ARHGAP6: variants seen among roughly 807,000 people sequenced by gnomAD.
The protein encoded by ARHGAP6 is Rho GTPase activating protein 6.
A neutral mutation model predicts 55.7 loss-of-function variants in ARHGAP6; 16 were observed. The ratio of observed to expected loss-of-function variants is 0.29; its 90% CI spans 0.19 to 0.44. The LOEUF (loss-of-function observed/expected upper bound fraction) is 0.44. Among genes scored for constraint, ARHGAP6 ranks in the 20% least tolerant of loss-of-function variants. The probability of loss-of-function intolerance (pLI) is 1.00; values close to 1 mark genes in which losing one functional copy is unlikely to be tolerated. For missense variants in ARHGAP6, 698 were observed against 808.9 expected, an observed-to-expected ratio of 0.86 and a Z score of 1.66; for synonymous variants, 382 against 360.9, an observed-to-expected ratio of 1.06 and a Z score of -0.66.
At chrX:11,642,904 G>GT (rs779348079) in intron 1 of ARHGAP6, among the ~76,000 whole-genome samples, 296 of 110,837 alleles carry the variant, frequency 2.7e-3, no homozygotes, top group Non-Finnish European at 4.5e-3. Flanking sequence ...CAATAAAGCT[G>GT]TTTTTTTTAA....
At chrX:11,314,269 A>AACAGCT (rs1266165463) in intron 1 of ARHGAP6, among the ~76,000 whole-genome samples, 5 of 111,697 alleles carry the variant, frequency 4.5e-5, no homozygotes, top group Non-Finnish European at 9.4e-5. Context: ...TGAGCTCCTG[A>AACAGCT]ACAGCTTGTG....
At chrX:11,557,139 GC>G (rs938272724) in intron 1 of ARHGAP6, among the ~76,000 whole-genome samples, 2 of 112,459 alleles carry the variant, frequency 1.8e-5, no homozygotes, top group African/African-American at 6.5e-5. Context: ...CACGTTTGAT[GC>G]TTTGCTCTTT....
intron 1 of ARHGAP6, among the ~76,000 whole-genome samples, chrX:11,633,306 T>C (rs993304745): frequency 8.9e-6 from 1 of 112,519 alleles, no homozygotes; most frequent in Non-Finnish European, 1.9e-5. Flanking sequence ...TGTGTGTCAA[T>C]ACACCCTCCC....
chrX:11,214,868 GTGT>G (rs1187412921), intron 2 of ARHGAP6, among the ~76,000 whole-genome samples: 2 of 113,375 alleles, frequency 1.8e-5, no homozygotes, highest in Admixed American at 1.8e-4. Context: ...GGTCCCTCAG[GTGT>G]TGTGCCCATG....
At chrX:11,544,126 G>A (rs1326815393) in intron 1 of ARHGAP6, among the ~76,000 whole-genome samples, 1 of 111,835 alleles carries the variant, frequency 8.9e-6, no homozygotes, top group Non-Finnish European at 1.9e-5. Flanking sequence ...TAGGCATTTG[G>A]GATAATCATG....
Position 11,411,183 on chromosome X carries a change from TTATATATATATATATATATATA to T in ARHGAP6, c.589-156498_589-156477del, listed in dbSNP as rs201875323. Among the ~76,000 whole-genome samples the T allele has an allele frequency of 1.0e-3, 33 of 31,791 alleles. No individual in the cohort carries two copies. The East Asian group carries it at 0.06, about 58-fold the overall frequency. The allele number at this position is 31,791 out of a possible 115,157, so 27.6% of individuals were successfully genotyped here. A position where few individuals can be genotyped will look rare whatever the true frequency, so the allele number is the denominator to read the frequency against. ...GGCCTGTGTCACTGGCAGACATTATTTATATATATATATATATATATATATATATATATATATATAAAATATA... is the reference window on the plus strand; with the variant it reads ...GGCCTGTGTCACTGGCAGACATTATTTATATATATATATATATAAAATATA... On this transcript the variant is annotated intron_variant, in intron 1 of 12. Coordinates refer to ENST00000337414, the MANE Select transcript of ARHGAP6 (RefSeq NM_013427.3).
At chrX:11,469,045 C>T (rs182997239) in intron 1 of ARHGAP6, among the ~76,000 whole-genome samples, 2 of 112,529 alleles carry the variant, frequency 1.8e-5, no homozygotes, top group Non-Finnish European at 3.8e-5. Flanking sequence ...TTAGTAGACA[C>T]AGAATCTGCC....
intron 1 of ARHGAP6, among the ~76,000 whole-genome samples, chrX:11,515,404 T>C (rs2050828346): frequency 8.9e-6 from 1 of 112,153 alleles, no homozygotes; most frequent in South Asian, 3.7e-4. Context: ...CACAGTGTCA[T>C]GTTAGGGAAC....
intron 1 of ARHGAP6, among the ~76,000 whole-genome samples, chrX:11,485,979 T>C (rs2050507394): frequency 8.9e-6 from 1 of 112,126 alleles, no homozygotes; most frequent in African/African-American, 3.2e-5. Context: ...TTTTATTTGA[T>C]AGCATAAGAA....
intron 1 of ARHGAP6, among the ~76,000 whole-genome samples, chrX:11,455,798 G>T (rs927878909): frequency 1.8e-5 from 2 of 111,908 alleles, no homozygotes; most frequent in Non-Finnish European, 3.8e-5. Context: ...CTTGGTACCT[G>T]GTACCTATGG....
At chrX:11,494,636 C>T (rs370447658) in intron 1 of ARHGAP6, among the ~76,000 whole-genome samples, 1 of 112,148 alleles carries the variant, frequency 8.9e-6, no homozygotes, top group African/African-American at 3.2e-5. Flanking sequence ...GCTAGGTTGA[C>T]TGGAAGTAAG....
At chrX:11,355,729 C>T (rs2048922871) in intron 1 of ARHGAP6, among the ~76,000 whole-genome samples, 1 of 111,118 alleles carries the variant, frequency 9.0e-6, no homozygotes, top group Middle Eastern at 4.2e-3. Flanking sequence ...CGTTAGGGTG[C>T]CACAACTGTA....
At chrX:11,482,797 A>G (rs1253956419) in intron 1 of ARHGAP6, among the ~76,000 whole-genome samples, 1 of 111,589 alleles carries the variant, frequency 9.0e-6, no homozygotes, top group Non-Finnish European at 1.9e-5. Context: ...GTGAAGAACC[A>G]GGAGTGCCCA....
chrX:11,597,023 C>T (rs1049796137), intron 1 of ARHGAP6, among the ~76,000 whole-genome samples: 1 of 111,682 alleles, frequency 9.0e-6, no homozygotes, highest in Non-Finnish European at 1.9e-5. Flanking sequence ...GGACTCCTTC[C>T]CCCACTCAGT....
intron 2 of ARHGAP6, among the ~76,000 whole-genome samples, chrX:11,216,189 C>A (rs1335440184): frequency 2.8e-4 from 28 of 99,636 alleles, no homozygotes; most frequent in Non-Finnish European, 4.4e-4. Context: ...TCCACAACAG[C>A]GTCTTCCTCT....
chrX:11,312,101 T>C (rs1322382870), intron 1 of ARHGAP6, among the ~76,000 whole-genome samples: 1 of 112,380 alleles, frequency 8.9e-6, no homozygotes, highest in Non-Finnish European at 1.9e-5. Flanking sequence ...TGATTTTCTA[T>C]ATCCATATGA....
chrX:11,473,438 C>T (rs1019041416), intron 1 of ARHGAP6, among the ~76,000 whole-genome samples: 2 of 108,495 alleles, frequency 1.8e-5, no homozygotes, highest in Non-Finnish European at 4.0e-5. Flanking sequence ...ACATTGGATT[C>T]GGGAGGGCCC....
chrX:11,557,981 A>G (rs922329288), intron 1 of ARHGAP6, among the ~76,000 whole-genome samples: 5 of 111,948 alleles, frequency 4.5e-5, no homozygotes, highest in South Asian at 3.7e-4. Flanking sequence ...ACCTACCACA[A>G]TGCATGCTCA....
intron 1 of ARHGAP6, among the ~76,000 whole-genome samples, chrX:11,632,692 G>A (rs1051816261): frequency 5.3e-5 from 6 of 112,351 alleles, no homozygotes; most frequent in African/African-American, 1.9e-4. Flanking sequence ...CAGGAACTGA[G>A]GAAATTAGAA....
Sources: allele counts gnomAD v4.1 joint callset (sites outside exome capture counted in the v4.1 genomes callset), GRCh38; gene constraint gnomAD v4.1.1; transcripts MANE v1.5; gene names NCBI Gene and HGNC (gene_info 2026-07-23, HGNC 2026-07-21).